Variants in PLEKHA6 observed in about 807,000 individuals in gnomAD.
The protein encoded by PLEKHA6 is pleckstrin homology domain-containing family A member 6.
PLEKHA6 carries 60 observed loss-of-function variants against 116.7 expected under a neutral mutation model. That is an observed-to-expected ratio of 0.51 (90% CI 0.42 to 0.64). The LOEUF (loss-of-function observed/expected upper bound fraction) is 0.64, where lower values mean the gene tolerates loss of function less well. Among genes scored for constraint, PLEKHA6 ranks in the 30% least tolerant of loss-of-function variants. The pLI is 0.00. For synonymous variants in PLEKHA6, 489 were observed against 556.1 expected (o/e 0.88, Z 1.70); for missense variants, 1,338 against 1,422.7 (o/e 0.94, Z 0.96).
At chr1:204,284,077 C>T (rs1017693039) in intron 1 of PLEKHA6, among the ~76,000 whole-genome samples, 1 of 152,184 alleles carries the variant, frequency 6.6e-6, no homozygotes, top group Admixed American at 6.5e-5. Context: ...TCCCTCTCGC[C>T]GGGATCAGTG....
intron 2 of PLEKHA6, chr1:204,369,489 G>T (rs1413106534): frequency 6.6e-6 from 1 of 152,134 alleles, no homozygotes; most frequent in Non-Finnish European, 1.5e-5. Flanking sequence ...ATCCCCATTG[G>T]GTCAGAATCA....
intron 1 of PLEKHA6, among the ~76,000 whole-genome samples, chr1:204,322,009 A>T (rs1672080218): frequency 6.6e-6 from 1 of 152,216 alleles, no homozygotes; most frequent in Non-Finnish European, 1.5e-5. Context: ...CTAAAAACAT[A>T]AACCACCACC....
chr1:204,274,611 A>T, intron 2 of PLEKHA6, 118 bp downstream of exon 2: 2 of 985,770 alleles, frequency 2.0e-6, no homozygotes, highest in Non-Finnish European at 2.4e-6. Context: ...AGTCACTGCA[A>T]AGCCCTTCTG....
upstream of PLEKHA6, among the ~76,000 whole-genome samples, chr1:204,360,123 C>G (rs1422952173): frequency 6.6e-6 from 1 of 152,272 alleles, no homozygotes; most frequent in African/African-American, 2.4e-5. Flanking sequence ...TCAGCACAGC[C>G]TCCTGGGCCT....
At chr1:204,237,530 T>C (rs1413404464) in intron 17 of PLEKHA6, among the ~76,000 whole-genome samples, 1 of 152,224 alleles carries the variant, frequency 6.6e-6, no homozygotes, top group African/African-American at 2.4e-5. Context: ...AATGGATTAT[T>C]GTGAGCTTAA....
chr1:204,371,198 G>A (rs999285605), intron 2 of PLEKHA6, among the ~76,000 whole-genome samples: 11 of 152,146 alleles, frequency 7.2e-5, no homozygotes, highest in South Asian at 4.1e-4. Flanking sequence ...GTTCTAGAGC[G>A]CAGCACTGGG....
chr1:204,343,527 A>G (rs2103324765), intron 1 of PLEKHA6, among the ~76,000 whole-genome samples: 1 of 152,198 alleles, frequency 6.6e-6, no homozygotes, highest in Middle Eastern at 3.4e-3. Context: ...TATCTTCCCC[A>G]CTGGGTTATA....
chr1:204,251,234 G>A (rs4453105), intron 9 of PLEKHA6, among the ~76,000 whole-genome samples: 99,416 of 152,100 alleles, frequency 0.65, 32,693 homozygotes, highest in East Asian at 0.82. Flanking sequence ...CTGTCAAGAT[G>A]TTACAAATAT....
intron 1 of PLEKHA6, among the ~76,000 whole-genome samples, chr1:204,281,381 C>T (rs1195785000): frequency 6.6e-6 from 1 of 151,990 alleles, no homozygotes; most frequent in Non-Finnish European, 1.5e-5. Flanking sequence ...AAAAATTAGC[C>T]GGGCCTGGTG....
intron 17 of PLEKHA6, among the ~76,000 whole-genome samples, chr1:204,232,752 G>C (rs541549968): frequency 3.6e-4 from 54 of 152,096 alleles, no homozygotes; most frequent in African/African-American, 1.2e-3. Context: ...GCAGAGGCAG[G>C]GTCCAAAGAG....
At chr1:204,248,615 C>T (rs191149556) in intron 12 of PLEKHA6, among the ~76,000 whole-genome samples, 5 of 152,304 alleles carry the variant, frequency 3.3e-5, no homozygotes, top group South Asian at 2.1e-4. Flanking sequence ...CTCATTTCCT[C>T]GGTGGAGACT....
intron 1 of PLEKHA6, chr1:204,307,870 T>G: frequency 1.0e-6 from 1 of 985,378 alleles, no homozygotes; most frequent in Non-Finnish European, 1.2e-6. Context: ...GTCCAGGTGC[T>G]TAAGTGGCAC....
chr1:204,361,764 G>A (rs1380618081), upstream of PLEKHA6, among the ~76,000 whole-genome samples: 1 of 152,248 alleles, frequency 6.6e-6, no homozygotes, highest in Non-Finnish European at 1.5e-5. Flanking sequence ...TGCAGGCAGG[G>A]GGAGAGTCTG....
chr1:204,369,666 G>A (rs930994504), intron 2 of PLEKHA6: 1 of 152,194 alleles, frequency 6.6e-6, no homozygotes. Flanking sequence ...CTGCCCTCGC[G>A]GCAAGCTCCG....
chr1:204,367,133 G>A (rs577900467), intron 3 of PLEKHA6, among the ~76,000 whole-genome samples: 1 of 152,150 alleles, frequency 6.6e-6, no homozygotes, highest in South Asian at 2.1e-4. Flanking sequence ...AGTTCAACTG[G>A]GTAGCTCATG....
chr1:204,274,755 C>T lies in PLEKHA6; in HGVS notation c.-40G>A, dbSNP rs1350402926. ...TTTTCAAGTCAAATTTTTTGTTTTC[C>T]TCTGGGACCTGGCCAGTCACTGGGT... On this transcript the variant is annotated 5_prime_UTR_variant, in exon 2 of 23. Transcript: ENST00000272203. 1 of 985,786 alleles carries T rather than the reference C, an allele frequency of 1.0e-6. No individual in the cohort carries two copies. The highest frequency in any genetic ancestry group is 1.2e-6 in the Non-Finnish European group (1 of 829,988). 61.1% of individuals were successfully genotyped at this position (985,786 alleles called of 1,614,324 possible).
chr1:204,313,154 A>G (rs1386001501), intron 1 of PLEKHA6, among the ~76,000 whole-genome samples: 2 of 147,996 alleles, frequency 1.4e-5, no homozygotes, highest in African/African-American at 5.0e-5. Flanking sequence ...CCTGGCTTCA[A>G]GAGGTCCTCC....
intron 1 of PLEKHA6, among the ~76,000 whole-genome samples, chr1:204,285,078 CTG>C (rs1669011352): frequency 6.6e-6 from 1 of 152,250 alleles, no homozygotes; most frequent in African/African-American, 2.4e-5. Context: ...CCACATTTCA[CTG>C]TGTCTCAAGA....
intron 11 of PLEKHA6, 89 bp from the exon 12 acceptor site, chr1:204,249,059 C>T (rs1054014324): frequency 6.6e-7 from 1 of 1,512,026 alleles, no homozygotes; most frequent in Admixed American, 1.7e-5. Flanking sequence ...AGAGGTTCAA[C>T]AGGCAGCTGA....
Sources: allele counts gnomAD v4.1 joint callset (sites outside exome capture counted in the v4.1 genomes callset), GRCh38; gene constraint gnomAD v4.1.1; transcripts MANE v1.5; gene names NCBI Gene and HGNC (gene_info 2026-07-23, HGNC 2026-07-21).